The following CNTN5 variants were observed in gnomAD, a reference collection of about 807,000 sequenced individuals.
CNTN5 encodes contactin-5.
In CNTN5, 77 loss-of-function variants were observed where a neutral mutation model predicts 129.1. The ratio of observed to expected loss-of-function variants is 0.60; its 90% CI spans 0.50 to 0.72. The LOEUF is 0.72. CNTN5 is among the 30% of genes least tolerant of loss of function. The probability of loss-of-function intolerance (pLI) is 0.00; values close to 1 mark genes in which losing one functional copy is unlikely to be tolerated. For synonymous variants in CNTN5, 509 were observed against 465.6 expected, an observed-to-expected ratio of 1.09 and a Z score of -1.20; for missense variants, 1,478 against 1,328.8, an observed-to-expected ratio of 1.11 and a Z score of -1.75.
Position 99,028,721 on chromosome 11 carries a change from T to G in CNTN5, c.-210+7451T>G, listed in dbSNP as rs572805667. 3.3e-5 allele frequency among the ~76,000 whole-genome samples: 5 copies of G among 152,006 alleles called. No individual in the cohort carries two copies. In the East Asian group the frequency reaches 9.6e-4, roughly 29 times the overall value. ...GCCAAACTCAAGGTAAAAATGAATG[T>G]GGCTGAGATGCTGTGGAAAAAAATG... is the stretch of plus-strand genomic sequence containing the variant. On this transcript the variant is annotated intron_variant, in intron 1 of 24. Transcript: ENST00000524871.
intron 1 of CNTN5, among the ~76,000 whole-genome samples, chr11:99,296,248 G>A (rs553135562): frequency 6.6e-5 from 10 of 152,238 alleles, no homozygotes; most frequent in Admixed American, 5.9e-4. Flanking sequence ...TCCGATGGGT[G>A]TACAGTTCCA....
At chr11:100,274,619 A>G (rs564072199) in intron 18 of CNTN5, among the ~76,000 whole-genome samples, 12 of 152,268 alleles carry the variant, frequency 7.9e-5, no homozygotes, top group Non-Finnish European at 1.8e-4. Context: ...ATCATGTGAG[A>G]AAAAGCTCAA....
At chr11:100,238,858 A>G (rs2138674307) in intron 16 of CNTN5, among the ~76,000 whole-genome samples, 1 of 152,304 alleles carries the variant, frequency 6.6e-6, no homozygotes, top group African/African-American at 2.4e-5. Flanking sequence ...TAATATTCTG[A>G]TTGTTGTGTC....
intron 4 of CNTN5, among the ~76,000 whole-genome samples, chr11:99,825,189 C>G (rs928646245): frequency 6.6e-6 from 1 of 151,954 alleles, no homozygotes; most frequent in Non-Finnish European, 1.5e-5. Context: ...TAGCCAGTAT[C>G]TGCCAGACTC....
intron 1 of CNTN5, among the ~76,000 whole-genome samples, chr11:99,153,676 T>A (rs187878883): frequency 8.5e-4 from 129 of 152,278 alleles, no homozygotes; most frequent in Non-Finnish European, 1.6e-3. Flanking sequence ...ACCATTGCTA[T>A]TTCTGGGGTA....
intron 2 of CNTN5, among the ~76,000 whole-genome samples, chr11:99,408,753 G>T (rs1591639330): frequency 6.6e-6 from 1 of 152,240 alleles, no homozygotes; most frequent in African/African-American, 2.4e-5. Flanking sequence ...TATCTTAAAT[G>T]AACTTGGCCA....
intron 1 of CNTN5, among the ~76,000 whole-genome samples, chr11:99,118,770 A>G (rs1858163750): frequency 2.0e-5 from 3 of 152,002 alleles, no homozygotes; most frequent in Non-Finnish European, 2.9e-5. Flanking sequence ...AATCATTCTT[A>G]AAAGTTTGAA....
chr11:99,107,976 G>A (rs1189091388), intron 1 of CNTN5, among the ~76,000 whole-genome samples: 3 of 148,176 alleles, frequency 2.0e-5, no homozygotes, highest in Non-Finnish European at 4.5e-5. Flanking sequence ...CTAGTGTCAT[G>A]ATTTTTATTT....
intron 13 of CNTN5, among the ~76,000 whole-genome samples, chr11:100,153,546 G>T (rs1947135465): frequency 6.6e-6 from 1 of 151,948 alleles, no homozygotes; most frequent in South Asian, 2.1e-4. Flanking sequence ...AAAAGAAAAA[G>T]ATTTCCAAAC....
chr11:100,110,985 C>A (rs2138114964), intron 13 of CNTN5, among the ~76,000 whole-genome samples: 1 of 145,158 alleles, frequency 6.9e-6, no homozygotes, highest in East Asian at 2.1e-4. Flanking sequence ...TAGAATATAG[C>A]TTTTCTTGAA....
intron 1 of CNTN5, among the ~76,000 whole-genome samples, chr11:99,268,044 A>C (rs966224478): frequency 2.4e-5 from 3 of 124,382 alleles, no homozygotes; most frequent in African/African-American, 8.3e-5. Context: ...TATTTAGTTA[A>C]GGTATGTGGC....
intron 1 of CNTN5, among the ~76,000 whole-genome samples, chr11:99,247,097 C>G (rs1029668106): frequency 2.0e-5 from 3 of 152,084 alleles, no homozygotes; most frequent in Admixed American, 6.6e-5. Context: ...TTCTGTGTGT[C>G]TGGCCCTGTT....
At chr11:100,308,006 G>A (rs1418783286) in intron 20 of CNTN5, among the ~76,000 whole-genome samples, 3 of 151,600 alleles carry the variant, frequency 2.0e-5, no homozygotes, top group Admixed American at 2.0e-4. Flanking sequence ...AAAAGCAACA[G>A]CAGTGCAACA....
intron 1 of CNTN5, among the ~76,000 whole-genome samples, chr11:99,204,989 A>G (rs1331745352): frequency 6.6e-6 from 1 of 152,186 alleles, no homozygotes; most frequent in East Asian, 1.9e-4. Flanking sequence ...TGCTCATCAC[A>G]TGGCATTAGG....
At chr11:99,860,326 A>G (rs1948167052) in intron 6 of CNTN5, among the ~76,000 whole-genome samples, 1 of 151,634 alleles carries the variant, frequency 6.6e-6, no homozygotes. Context: ...GTAACTTGTC[A>G]ATTTTAGCTT....
intron 9 of CNTN5, among the ~76,000 whole-genome samples, chr11:100,004,832 G>A (rs1940091835): frequency 6.6e-6 from 1 of 152,170 alleles, no homozygotes; most frequent in Non-Finnish European, 1.5e-5. Context: ...AAGAGACACA[G>A]CCTTTATATA....
At chr11:100,274,638 A>G (rs747386665) in intron 18 of CNTN5, among the ~76,000 whole-genome samples, 2 of 152,218 alleles carry the variant, frequency 1.3e-5, no homozygotes, top group African/African-American at 4.8e-5. Flanking sequence ...AACATCACTG[A>G]TCCTCAGAGA....
At chr11:100,220,105 GTC>G (rs1949229968) in intron 15 of CNTN5, among the ~76,000 whole-genome samples, 2 of 151,746 alleles carry the variant, frequency 1.3e-5, no homozygotes, top group African/African-American at 4.8e-5. Flanking sequence ...GTGAATCCCT[GTC>G]TCTACTAAAA....
At chr11:100,179,824 C>T (rs1300510525) in intron 13 of CNTN5, among the ~76,000 whole-genome samples, 1 of 152,052 alleles carries the variant, frequency 6.6e-6, no homozygotes, top group East Asian at 1.9e-4. Context: ...TTTATAATTA[C>T]ATTCCCCAGC....
Sources: gnomAD v4.1 joint callset for allele counts (sites outside exome capture counted in the v4.1 genomes callset) on GRCh38, gnomAD v4.1.1 for gene constraint, MANE v1.5 for transcripts, NCBI Gene and HGNC (gene_info 2026-07-23, HGNC 2026-07-21) for gene names.